The following RAD54B variants were observed in gnomAD, a reference collection of about 807,000 sequenced individuals.
The protein encoded by RAD54B is RAD54 homolog B.
In RAD54B, 78 loss-of-function variants were observed where a neutral mutation model predicts 95.8. The observed-to-expected ratio is 0.81, with a 90% confidence interval of 0.68 to 0.98. The LOEUF (loss-of-function observed/expected upper bound fraction) is 0.98, where lower values mean the gene tolerates loss of function less well. Among genes scored for constraint, RAD54B ranks in the 50% least tolerant of loss-of-function variants. The pLI is 0.00. For synonymous variants in RAD54B, 328 were observed against 354.9 expected (o/e 0.92, Z 0.85); for missense variants, 957 against 1,056.6 (o/e 0.91, Z 1.31).
At chr8:94,467,112 G>C (rs1395513325) in intron 2 of RAD54B, among the ~76,000 whole-genome samples, 1 of 152,008 alleles carries the variant, frequency 6.6e-6, no homozygotes, top group Non-Finnish European at 1.5e-5. Flanking sequence ...ATTTTTTGTA[G>C]AGACAGGGTC....
intron 14 of RAD54B, among the ~76,000 whole-genome samples, chr8:94,376,902 T>TTA (rs1214493462): frequency 1.3e-5 from 2 of 151,806 alleles, no homozygotes; most frequent in Non-Finnish European, 2.9e-5. Flanking sequence ...ATATTTATGT[T>TTA]TATATAAAAT....
chr8:94,462,480 T>A (rs1189019714), intron 2 of RAD54B, among the ~76,000 whole-genome samples: 2 of 152,184 alleles, frequency 1.3e-5, no homozygotes, highest in Admixed American at 6.5e-5. Context: ...GTATAGATTC[T>A]GACTCCTGTA....
chr8:94,386,595 CA>C, intron 11 of RAD54B, among the ~76,000 whole-genome samples: 1 of 57,866 alleles, frequency 1.7e-5, no homozygotes, highest in Middle Eastern at 0.01. Flanking sequence ...TGTGTGTGTG[CA>C]TGTGTGTGTG....
intron 3 of RAD54B, among the ~76,000 whole-genome samples, chr8:94,452,135 C>T (rs1812669425): frequency 6.6e-6 from 1 of 152,224 alleles, no homozygotes; most frequent in Non-Finnish European, 1.5e-5. Flanking sequence ...GGGCCTGTTT[C>T]ACAGAGGAAA....
At chr8:94,408,532 A>G (rs2130032073) in intron 4 of RAD54B, among the ~76,000 whole-genome samples, 1 of 152,320 alleles carries the variant, frequency 6.6e-6, no homozygotes, top group East Asian at 1.9e-4. Flanking sequence ...GCCACATTTT[A>G]GAAAATATGA....
At chr8:94,429,023 G>A in intron 3 of RAD54B, 6 of 983,508 alleles carry the variant, frequency 6.1e-6, no homozygotes, top group Non-Finnish European at 7.2e-6. Context: ...TAGACAATGA[G>A]GAGAATTATA....
At chr8:94,444,134 A>G (rs1812464557) in intron 3 of RAD54B, among the ~76,000 whole-genome samples, 1 of 152,144 alleles carries the variant, frequency 6.6e-6, no homozygotes, top group Non-Finnish European at 1.5e-5. Context: ...CATATAAAGA[A>G]CTCAACTTCA....
intron 1 of RAD54B, among the ~76,000 whole-genome samples, chr8:94,471,398 C>T (rs1305558208): frequency 6.6e-6 from 1 of 151,666 alleles, no homozygotes; most frequent in Non-Finnish European, 1.5e-5. Flanking sequence ...AAAATAAAAA[C>T]AATAATGGGT....
chr8:94,407,707 T>C lies in RAD54B; in HGVS notation c.513A>G (p.Lys171=). 6.2e-7 allele frequency: 1 copy of C among 1,610,862 alleles called. No homozygotes were observed. The highest frequency in any genetic ancestry group is 8.5e-7 in the Non-Finnish European group (1 of 1,177,858). ...CTTCAATCTTTTCAAGCTCTTTGAA[T>C]TTATAACCAATGCCTTTAAGTTAAG... ...GKDIGRGIGY[K]FKELEKIEEG... The change falls in exon 5 of 15, where the codon AAA becomes AAG. Residue 171 remains lysine, a synonymous_variant. Coordinates refer to ENST00000336148, the MANE Select transcript of RAD54B (RefSeq NM_012415.3).
At chr8:94,438,042 AT>A (rs2130126606) in intron 3 of RAD54B, among the ~76,000 whole-genome samples, 1 of 152,314 alleles carries the variant, frequency 6.6e-6, no homozygotes, top group Non-Finnish European at 1.5e-5. Context: ...GGTAGGAAAA[AT>A]AAATTGTTTT....
intron 10 of RAD54B, among the ~76,000 whole-genome samples, chr8:94,388,859 CCACAGGCCCAGGGT>C (rs1810952024): frequency 6.6e-6 from 1 of 152,136 alleles, no homozygotes. Flanking sequence ...CATCAAAGGA[CCACAGGCCCAGGGT>C]CTAGTATACA....
chr8:94,403,505 C>T (rs969783509), intron 6 of RAD54B, among the ~76,000 whole-genome samples: 34 of 151,822 alleles, frequency 2.2e-4, no homozygotes, highest in African/African-American at 7.2e-4. Context: ...GGTGAAACCC[C>T]GTCTCTACTA....
intron 3 of RAD54B, among the ~76,000 whole-genome samples, chr8:94,437,203 A>C (rs1392001257): frequency 6.6e-6 from 1 of 152,262 alleles, no homozygotes; most frequent in Non-Finnish European, 1.5e-5. Context: ...AAAATTAGCT[A>C]ATTTAGTGAG....
At position 94,459,228 on chromosome 8, in the gene RAD54B, T is replaced by C. The variant is rs188294956; in HGVS notation, c.136-792A>G. Among the ~76,000 whole-genome samples, 537 of 152,014 alleles carry C rather than the reference T, an allele frequency of 3.5e-3. 8 individuals are homozygous for C. In the South Asian group the frequency reaches 0.043, roughly 12 times the overall value. ...AGTGCAGTGTCACGACCATAGCTCA[T>C]TGCAGCCTTCAACTCCTGGGCCCAA... is the stretch of plus-strand genomic sequence containing the variant. On this transcript the variant is annotated intron_variant, in intron 2 of 14. Transcript: ENST00000336148.
chr8:94,420,055 T>C (rs3019150), intron 3 of RAD54B, among the ~76,000 whole-genome samples: 37,123 of 152,002 alleles, frequency 0.24, 5,636 homozygotes, highest in East Asian at 0.43. Context: ...CTAGGAACCA[T>C]AGGCTATACC....
intron 2 of RAD54B, among the ~76,000 whole-genome samples, chr8:94,466,892 A>C (rs1438662089): frequency 1.3e-5 from 2 of 152,140 alleles, no homozygotes; most frequent in African/African-American, 2.4e-5. Context: ...ATCATTACCA[A>C]AAGTTTATTT....
chr8:94,458,165 C>A, intron 3 of RAD54B, 103 bp downstream of exon 3: 1 of 1,125,760 alleles, frequency 8.9e-7, no homozygotes, highest in South Asian at 1.7e-5. Flanking sequence ...GGTATTACAT[C>A]AACAATTTTC....
At chr8:94,388,564 G>T (rs1810945874) in intron 10 of RAD54B, among the ~76,000 whole-genome samples, 1 of 152,102 alleles carries the variant, frequency 6.6e-6, no homozygotes, top group Admixed American at 6.5e-5. Flanking sequence ...AAGATCGAAT[G>T]ACTTTTTTTT....
intron 10 of RAD54B, among the ~76,000 whole-genome samples, chr8:94,389,426 A>G (rs1182108012): frequency 6.6e-6 from 1 of 152,224 alleles, no homozygotes; most frequent in African/African-American, 2.4e-5. Context: ...CCAGGATATT[A>G]TAATATGTAC....
Sources: allele counts gnomAD v4.1 joint callset (sites outside exome capture counted in the v4.1 genomes callset), GRCh38; gene constraint gnomAD v4.1.1; transcripts MANE v1.5; gene names NCBI Gene and HGNC (gene_info 2026-07-23, HGNC 2026-07-21).